Variants in L3MBTL3 observed in about 807,000 individuals in gnomAD.
L3MBTL3 encodes L3MBTL histone methyl-lysine binding protein 3.
A neutral mutation model predicts 102.3 loss-of-function variants in L3MBTL3; 27 were observed. The observed-to-expected ratio is 0.26, with a 90% confidence interval of 0.19 to 0.36. L3MBTL3 has a LOEUF of 0.36. Ranked by LOEUF, L3MBTL3 falls within the 10% of genes least tolerant of loss-of-function variation. L3MBTL3 has a pLI of 1.00. For missense variants in L3MBTL3, 798 were observed against 955.3 expected, an observed-to-expected ratio of 0.84 and a Z score of 2.17; for synonymous variants, 340 against 320.9, an observed-to-expected ratio of 1.06 and a Z score of -0.64.
chr6:130,062,719 G>A (rs1288426719), intron 10 of L3MBTL3, among the ~76,000 whole-genome samples: 1 of 150,678 alleles, frequency 6.6e-6, no homozygotes, highest in South Asian at 2.1e-4. Context: ...CCATTGGGTA[G>A]TTCTCCATTT....
rs547375336 is a variant in L3MBTL3, at chr6:130,097,332, CT to C, written c.1736+2966del. 6.1e-4 allele frequency among the ~76,000 whole-genome samples: 93 copies of C among 152,262 alleles called. 1 individual carries two copies. In the South Asian group the frequency reaches 0.018, roughly 29 times the overall value. On this transcript the variant is annotated intron_variant, in intron 18 of 22. Transcript: ENST00000361794. The stretch of plus-strand genomic sequence containing the variant: ...GAGAAAATTCTCTTTGGATTAATTA[CT>C]GAGAAACTGCATGTATCAAAACATG...
At chr6:130,132,765 AG>A (rs1787199750) in intron 20 of L3MBTL3, among the ~76,000 whole-genome samples, 1 of 146,856 alleles carries the variant, frequency 6.8e-6, no homozygotes, top group African/African-American at 2.7e-5. Context: ...AATATTCAGT[AG>A]GGTTTTTTTT....
chr6:130,078,776 G>T, intron 14 of L3MBTL3, 142 bp downstream of exon 14: 1 of 582,122 alleles, frequency 1.7e-6, no homozygotes, highest in Non-Finnish European at 3.1e-6. Context: ...CAGTTGTAGT[G>T]CAAAAACAGC....
intron 13 of L3MBTL3, among the ~76,000 whole-genome samples, chr6:130,076,831 A>C (rs1782985407): frequency 6.6e-6 from 1 of 152,148 alleles, no homozygotes; most frequent in South Asian, 2.1e-4. Flanking sequence ...AAAATAGATA[A>C]AAACAGTAAT....
intron 2 of L3MBTL3, among the ~76,000 whole-genome samples, chr6:130,035,791 A>T (rs538565290): frequency 3.3e-5 from 5 of 152,304 alleles, no homozygotes; most frequent in African/African-American, 1.2e-4. Context: ...GACCAATAGA[A>T]GTTAGAGGAG....
intron 18 of L3MBTL3, among the ~76,000 whole-genome samples, chr6:130,100,677 A>G (rs1784628893): frequency 6.6e-6 from 1 of 152,054 alleles, no homozygotes; most frequent in African/African-American, 2.4e-5. Context: ...TTAAATGGTA[A>G]GTGTCATAAT....
At chr6:130,041,889 T>G (rs1780441307) in intron 2 of L3MBTL3, among the ~76,000 whole-genome samples, 1 of 152,228 alleles carries the variant, frequency 6.6e-6, no homozygotes, top group Non-Finnish European at 1.5e-5. Flanking sequence ...GAAGCTAGAC[T>G]GCTCATTACT....
chr6:130,048,967 C>CACACACACACATACACAT (rs71678245), intron 3 of L3MBTL3, among the ~76,000 whole-genome samples: 10 of 150,562 alleles, frequency 6.6e-5, no homozygotes, highest in East Asian at 2.0e-4. Flanking sequence ...CACACACACA[C>CACACACACACATACACAT]ACATACACAC....
At position 130,133,534 on chromosome 6, in the gene L3MBTL3, G is replaced by A. The variant is rs765041105; in HGVS notation, c.2049G>A (p.Leu683=). The change falls in exon 21 of 23, where the codon CTG becomes CTA. Residue 683 remains leucine, a synonymous_variant. Coordinates refer to ENST00000361794, the MANE Select transcript of L3MBTL3 (RefSeq NM_032438.4). The surrounding 1 kb of genome is among the most constrained non-coding windows in gnomAD (Gnocchi z 4.9). ...CCTTTAAGTCCCCAATTCCATGTCT[G>A]CCCTTGCGCTGGGAGCAGCAAAGCA... ...FLSFKSPIPC[L]PLRWEQQSKL... is the part of the protein sequence containing the mutation. 7.4e-6 allele frequency: 12 copies of A among 1,614,108 alleles called. No homozygotes were observed. In the South Asian group the frequency reaches 1.1e-4, roughly 15 times the overall value.
At chr6:130,120,662 C>T (rs1786095056) in intron 19 of L3MBTL3, among the ~76,000 whole-genome samples, 1 of 152,182 alleles carries the variant, frequency 6.6e-6, no homozygotes, top group Non-Finnish European at 1.5e-5. Context: ...AGCTTTAAAT[C>T]TTCTTCCTGA....
intron 17 of L3MBTL3, 140 bp from the exon 18 acceptor site, chr6:130,094,125 T>G: frequency 7.8e-6 from 4 of 516,096 alleles, no homozygotes; most frequent in Non-Finnish European, 1.3e-5. Flanking sequence ...TAGGATCTAC[T>G]TTTTCTGTTT....
chr6:130,101,606 C>A (rs956796113), intron 18 of L3MBTL3, among the ~76,000 whole-genome samples: 14 of 152,322 alleles, frequency 9.2e-5, no homozygotes, highest in Admixed American at 7.8e-4. Flanking sequence ...GAGGACTACA[C>A]CAGGGCCTGG....
At chr6:130,113,058 C>G (rs947624469) in intron 19 of L3MBTL3, among the ~76,000 whole-genome samples, 3 of 152,010 alleles carry the variant, frequency 2.0e-5, no homozygotes, top group African/African-American at 7.2e-5. Flanking sequence ...GGACTGATAA[C>G]TTAAATCTCT....
rs569205540 is a variant in L3MBTL3 at position 130,132,376 on chromosome 6, G to A, written c.1967-1076G>A. On this transcript the variant is annotated intron_variant, in intron 20 of 22. Coordinates refer to ENST00000361794, the MANE Select transcript of L3MBTL3 (RefSeq NM_032438.4). ...GCGATTGGAAGGGTGTGCTGGCCAC[G>A]TTTTGTTTTCAGTCAGGGTGTTGGT... Among the ~76,000 whole-genome samples, 14 of 152,298 alleles carry A rather than the reference G, an allele frequency of 9.2e-5. No homozygotes were observed. The South Asian group carries it at 1.0e-3, about 11-fold the overall frequency.
At chr6:130,052,029 A>G (rs1781129173) in intron 6 of L3MBTL3, among the ~76,000 whole-genome samples, 1 of 152,246 alleles carries the variant, frequency 6.6e-6, no homozygotes, top group African/African-American at 2.4e-5. Context: ...TGTATACTAC[A>G]AAGAAATGAC....
chr6:130,073,649 G>A (rs1782770525), intron 13 of L3MBTL3, among the ~76,000 whole-genome samples: 1 of 151,836 alleles, frequency 6.6e-6, no homozygotes, highest in African/African-American at 2.4e-5. Context: ...ACATTCATGT[G>A]GAAAAAAAGT....
At chr6:130,110,831 G>T (rs1785304241) in intron 19 of L3MBTL3, among the ~76,000 whole-genome samples, 2 of 152,138 alleles carry the variant, frequency 1.3e-5, no homozygotes, top group African/African-American at 4.8e-5. Flanking sequence ...CTATGGGTTT[G>T]TCATAAATAG....
At chr6:130,127,429 T>A (rs879306708) in intron 20 of L3MBTL3, among the ~76,000 whole-genome samples, 44 of 152,182 alleles carry the variant, frequency 2.9e-4, no homozygotes, top group African/African-American at 9.7e-4. Context: ...GCGCCACATT[T>A]TGGGTCATTG....
chr6:130,021,071 G>A (rs1778981076), intron 1 of L3MBTL3, among the ~76,000 whole-genome samples: 2 of 152,034 alleles, frequency 1.3e-5, no homozygotes, highest in Non-Finnish European at 2.9e-5. Context: ...ATTGGTTTAG[G>A]GAGTCCGAGA....
Sources: allele counts gnomAD v4.1 joint callset (sites outside exome capture counted in the v4.1 genomes callset), GRCh38; gene constraint gnomAD v4.1.1; non-coding constraint Gnocchi (gnomAD v3.1); transcripts MANE v1.5; gene names NCBI Gene and HGNC (gene_info 2026-07-23, HGNC 2026-07-21).